The following PTPRK variants were observed in gnomAD, a reference collection of about 807,000 sequenced individuals.
PTPRK encodes receptor-type tyrosine-protein phosphatase kappa.
A neutral mutation model predicts 178.0 loss-of-function variants in PTPRK; 75 were observed. The ratio of observed to expected loss-of-function variants is 0.42; its 90% CI spans 0.35 to 0.51. PTPRK has a LOEUF of 0.51. Among genes scored for constraint, PTPRK ranks in the 20% least tolerant of loss-of-function variants. The probability of loss-of-function intolerance (pLI) is 0.02; values close to 1 mark genes in which losing one functional copy is unlikely to be tolerated. For synonymous variants in PTPRK, 637 were observed against 620.6 expected, an observed-to-expected ratio of 1.03 and a Z score of -0.39; for missense variants, 1,441 against 1,797.8, an observed-to-expected ratio of 0.80 and a Z score of 3.59.
rs7759323 is a variant in PTPRK, at chr6:128,090,031, T to C, written c.1163-39A>G. On this transcript the variant is annotated intron_variant, in intron 7 of 29. Transcript: ENST00000368226. Reference sequence around the variant, plus strand: ...CAGAGTTGTAGACAGCTGTCTATTATATCATGAATAATCCTGGAAAAATAA... The same window carrying C: ...CAGAGTTGTAGACAGCTGTCTATTACATCATGAATAATCCTGGAAAAATAA... 5,511 of 1,460,778 alleles carry C rather than the reference T, an allele frequency of 3.8e-3. 148 individuals carry two copies. In the African/African-American group the frequency reaches 0.064, roughly 17 times the overall value. The allele number at this position is 1,460,778 out of a possible 1,614,324, so 90.5% of individuals were successfully genotyped here. A position where few individuals can be genotyped will look rare whatever the true frequency, so the allele number is the denominator to read the frequency against.
Position 128,519,337 on chromosome 6 carries a change from C to T in PTPRK, c.100+922G>A, listed in dbSNP as rs757046588. Among the ~76,000 whole-genome samples, 1 of 152,230 alleles carries T rather than the reference C, an allele frequency of 6.6e-6. No individual in the cohort carries two copies. Among genetic ancestry groups the T allele is most frequent in the Non-Finnish European group, 1.5e-5 (1 of 68,046 alleles). ...GACCGGGAGAGCCAGGGTTCACGGA[C>T]TTCTCTGAGCGGCTTGACCGAGAAC... On this transcript the variant is annotated intron_variant, in intron 1 of 29. Coordinates refer to ENST00000368226, the MANE Select transcript of PTPRK (RefSeq NM_002844.4). The surrounding 1 kb of genome is among the most constrained non-coding windows in gnomAD (Gnocchi z 4.3).
chr6:128,165,636 G>A (rs1235818714), intron 7 of PTPRK, among the ~76,000 whole-genome samples: 1 of 150,790 alleles, frequency 6.6e-6, no homozygotes, highest in African/African-American at 2.4e-5. Flanking sequence ...AGACCCAAAA[G>A]GTACACACAA....
chr6:128,146,942 A>C (rs1796590575), intron 7 of PTPRK, among the ~76,000 whole-genome samples: 1 of 152,164 alleles, frequency 6.6e-6, no homozygotes, highest in African/African-American at 2.4e-5. Context: ...TCACTTAGAA[A>C]CATGTTTTAA....
chr6:128,029,478 C>G (rs1423508173), intron 13 of PTPRK, among the ~76,000 whole-genome samples: 1 of 151,698 alleles, frequency 6.6e-6, no homozygotes, highest in Admixed American at 6.6e-5. Context: ...TGGTGAAACC[C>G]GATCACTACT....
intron 1 of PTPRK, among the ~76,000 whole-genome samples, chr6:128,485,633 G>A (rs1256507177): frequency 6.6e-6 from 1 of 152,160 alleles, no homozygotes; most frequent in Non-Finnish European, 1.5e-5. Context: ...CATGAGGAAT[G>A]CTAGCGAATG....
chr6:128,308,251 G>A (rs762479293), intron 3 of PTPRK, among the ~76,000 whole-genome samples: 12 of 151,862 alleles, frequency 7.9e-5, no homozygotes, highest in African/African-American at 2.2e-4. Context: ...GAAACAAAAT[G>A]ATGAACAAAA....
chr6:128,438,613 C>A (rs1845912222), intron 1 of PTPRK, among the ~76,000 whole-genome samples: 8 of 152,164 alleles, frequency 5.3e-5, no homozygotes, highest in Admixed American at 5.2e-4. Context: ...AGCTGTTGTG[C>A]ACCTCAGATG....
intron 3 of PTPRK, among the ~76,000 whole-genome samples, chr6:128,270,970 G>T (rs1211110996): frequency 6.6e-6 from 1 of 151,974 alleles, no homozygotes; most frequent in African/African-American, 2.4e-5. Flanking sequence ...ATCTTAAAAA[G>T]CTATGATTCC....
intron 17 of PTPRK, among the ~76,000 whole-genome samples, chr6:127,996,089 A>G (rs941512476): frequency 2.6e-5 from 4 of 152,060 alleles, no homozygotes; most frequent in Non-Finnish European, 4.4e-5. Context: ...TTCTTTACTG[A>G]TCCTGTGGTT....
rs149739411 is a variant in PTPRK, at chr6:128,168,095, A to G, written c.1162+16337T>C. On this transcript the variant is annotated intron_variant, in intron 7 of 29. Transcript: ENST00000368226. Reference sequence around the variant, plus strand: ...TAAAATCTCCAAACAAAGTCACTGCAATGAAAATGCTTCTGGATCAACAGC... The same window carrying G: ...TAAAATCTCCAAACAAAGTCACTGCGATGAAAATGCTTCTGGATCAACAGC... Among the ~76,000 whole-genome samples, 501 of 152,222 alleles carry G rather than the reference A, an allele frequency of 3.3e-3. 5 individuals are homozygous for G. The highest frequency in any genetic ancestry group is 0.011 in the African/African-American group (459 of 41,570).
At chr6:128,000,164 T>A (rs1034941858) in intron 15 of PTPRK, 15 of 965,842 alleles carry the variant, frequency 1.6e-5, no homozygotes, top group Middle Eastern at 4.9e-4. Flanking sequence ...AAATACACTC[T>A]TAGGGGAACT....
At chr6:128,214,544 C>CATTATTATTATTACTATT (rs1554349427) in intron 6 of PTPRK, among the ~76,000 whole-genome samples, 1 of 149,952 alleles carries the variant, frequency 6.7e-6, no homozygotes, top group East Asian at 2.0e-4. Context: ...ACCAGTGATG[C>CATTATTATTATTACTATT]ATTATTATTA....
chr6:128,278,280 C>T (rs1199077419), intron 3 of PTPRK, among the ~76,000 whole-genome samples: 1 of 152,030 alleles, frequency 6.6e-6, no homozygotes, highest in African/African-American at 2.4e-5. Context: ...CCTCAGCCTC[C>T]CAAGTAGCTG....
intron 7 of PTPRK, 126 bp from the exon 8 acceptor site, chr6:128,090,118 C>A (rs2115025119): frequency 1.3e-6 from 1 of 769,030 alleles, no homozygotes. Flanking sequence ...TTTTATTTTC[C>A]TTTGCTTTAT....
intron 1 of PTPRK, among the ~76,000 whole-genome samples, chr6:128,498,431 C>T (rs1388856670): frequency 6.6e-6 from 1 of 152,226 alleles, no homozygotes; most frequent in Non-Finnish European, 1.5e-5. Flanking sequence ...GTTCAATAAA[C>T]AGCACTTGGC....
At chr6:128,424,486 G>A (rs1027864036) in intron 1 of PTPRK, among the ~76,000 whole-genome samples, 4 of 152,184 alleles carry the variant, frequency 2.6e-5, no homozygotes, top group African/African-American at 9.7e-5. Flanking sequence ...TAAGTGCGAT[G>A]TGGAAGTTCA....
chr6:128,239,403 C>T (rs1813967267), intron 5 of PTPRK, among the ~76,000 whole-genome samples: 1 of 152,102 alleles, frequency 6.6e-6, no homozygotes, highest in South Asian at 2.1e-4. Flanking sequence ...TCTCTGAAGG[C>T]AAGGCATATT....
chr6:128,489,071 T>C (rs932228626), intron 1 of PTPRK, among the ~76,000 whole-genome samples: 4 of 152,158 alleles, frequency 2.6e-5, no homozygotes, highest in Non-Finnish European at 5.9e-5. Context: ...AAAAGCATAC[T>C]TTAAAAAATA....
chr6:128,346,241 T>G (rs1832419054), intron 2 of PTPRK, among the ~76,000 whole-genome samples: 1 of 151,962 alleles, frequency 6.6e-6, no homozygotes, highest in Non-Finnish European at 1.5e-5. Context: ...ATTTTATAGA[T>G]TAAAAATCTG....
Sources: allele counts gnomAD v4.1 joint callset (sites outside exome capture counted in the v4.1 genomes callset), GRCh38; gene constraint gnomAD v4.1.1; non-coding constraint Gnocchi (gnomAD v3.1); transcripts MANE v1.5; gene names NCBI Gene and HGNC (gene_info 2026-07-23, HGNC 2026-07-21).